OLFM3: variants seen among roughly 807,000 people sequenced by gnomAD.
OLFM3 encodes noelin-3.
A neutral mutation model predicts 48.6 loss-of-function variants in OLFM3; 20 were observed. That is an observed-to-expected ratio of 0.41 (90% CI 0.29 to 0.60). The LOEUF is 0.60. Ranked by LOEUF, OLFM3 falls within the 20% of genes least tolerant of loss-of-function variation. The probability of loss-of-function intolerance (pLI) is 0.28; values close to 1 mark genes in which losing one functional copy is unlikely to be tolerated. For missense variants in OLFM3, 437 were observed against 544.3 expected (o/e 0.80, Z 1.96); for synonymous variants, 222 against 198.1 (o/e 1.12, Z -1.01).
chr1:101,911,122 A>G (rs1296655679), intron 1 of OLFM3, among the ~76,000 whole-genome samples: 1 of 152,194 alleles, frequency 6.6e-6, no homozygotes, highest in Non-Finnish European at 1.5e-5. Flanking sequence ...AAATCTAGTC[A>G]TTGAATTACT....
Position 101,830,199 on chromosome 1 carries a change from AT to A in OLFM3, c.372+472del, listed in dbSNP as rs372273584. On this transcript the variant is annotated intron_variant, in intron 3 of 5. Coordinates refer to ENST00000370103, the MANE Select transcript of OLFM3 (RefSeq NM_058170.4). ...AGTTAACAAAAGTTGACATAGCATG[AT>A]TTTTTTCTCCATTTTCAGTATTTGT... is the stretch of plus-strand genomic sequence containing the variant. 9.5e-4 allele frequency among the ~76,000 whole-genome samples: 145 copies of A among 152,158 alleles called. 4 individuals are homozygous for A. In the East Asian group the frequency reaches 0.027, roughly 28 times the overall value.
intron 1 of OLFM3, among the ~76,000 whole-genome samples, chr1:101,973,914 C>G (rs1321284283): frequency 6.6e-6 from 1 of 152,084 alleles, no homozygotes; most frequent in African/African-American, 2.4e-5. Flanking sequence ...AACTTGCTTT[C>G]TTTCACTGTT....
chr1:101,910,082 C>T, intron 1 of OLFM3: 1 of 983,670 alleles, frequency 1.0e-6, no homozygotes, highest in South Asian at 4.7e-5. Flanking sequence ...TCTGCTTCTT[C>T]ATATCCCTTG....
chr1:101,886,222 G>T (rs1459542901), intron 1 of OLFM3, among the ~76,000 whole-genome samples: 1 of 151,918 alleles, frequency 6.6e-6, no homozygotes, highest in Middle Eastern at 3.2e-3. Context: ...GATTTGAAAT[G>T]TGTAAGAAAA....
At chr1:101,856,785 A>G (rs1257747041) in intron 1 of OLFM3, among the ~76,000 whole-genome samples, 1 of 152,024 alleles carries the variant, frequency 6.6e-6, no homozygotes, top group Admixed American at 6.6e-5. Context: ...TAAGATTAAT[A>G]TGATACAGCC....
chr1:101,822,532 T>C (rs1654659417), intron 4 of OLFM3, among the ~76,000 whole-genome samples: 1 of 152,070 alleles, frequency 6.6e-6, no homozygotes, highest in South Asian at 2.1e-4. Context: ...ATGGACCTCC[T>C]CCTCAAAAGC....
At chr1:101,978,960 A>G (rs1661030898) in intron 1 of OLFM3, among the ~76,000 whole-genome samples, 1 of 152,244 alleles carries the variant, frequency 6.6e-6, no homozygotes, top group Admixed American at 6.5e-5. Context: ...ATGCTAGAGC[A>G]GAAATAAATT....
At chr1:101,862,633 G>A (rs1656701320) in intron 1 of OLFM3, among the ~76,000 whole-genome samples, 1 of 152,172 alleles carries the variant, frequency 6.6e-6, no homozygotes, top group African/African-American at 2.4e-5. Context: ...GAGTCTAGGT[G>A]CAGCACAATC....
At chr1:101,817,070 T>G (rs1570512695) in intron 4 of OLFM3, among the ~76,000 whole-genome samples, 1 of 152,280 alleles carries the variant, frequency 6.6e-6, no homozygotes, top group East Asian at 1.9e-4. Context: ...GCATAGATAC[T>G]GTAAAATGTG....
chr1:101,826,830 T>A (rs1570527567), intron 3 of OLFM3, among the ~76,000 whole-genome samples: 1 of 152,274 alleles, frequency 6.6e-6, no homozygotes, highest in East Asian at 1.9e-4. Context: ...TTTCTGTGGT[T>A]ATCATTTTCT....
At chr1:101,947,727 C>G (rs921615325) in intron 1 of OLFM3, among the ~76,000 whole-genome samples, 1 of 152,142 alleles carries the variant, frequency 6.6e-6, no homozygotes, top group Non-Finnish European at 1.5e-5. Context: ...AGATAATGTT[C>G]CACAATGGTT....
chr1:101,877,888 T>C (rs566172562), intron 1 of OLFM3, among the ~76,000 whole-genome samples: 2 of 152,030 alleles, frequency 1.3e-5, no homozygotes, highest in East Asian at 3.9e-4. Context: ...GCCTTAGTAC[T>C]GTTCAGATTC....
At chr1:101,875,196 G>T (rs116227935) in intron 1 of OLFM3, among the ~76,000 whole-genome samples, 43 of 152,070 alleles carry the variant, frequency 2.8e-4, no homozygotes, top group Admixed American at 1.6e-3. Flanking sequence ...TGAGATGGCA[G>T]TGAGCAATCT....
chr1:101,901,028 T>C (rs1382541219), intron 1 of OLFM3, among the ~76,000 whole-genome samples: 2 of 152,018 alleles, frequency 1.3e-5, no homozygotes, highest in Non-Finnish European at 2.9e-5. Flanking sequence ...TAGTAATAAG[T>C]CAATTTCAAT....
chr1:101,902,776 T>C lies in OLFM3; in HGVS notation c.70-65751A>G, dbSNP rs117381129. On this transcript the variant is annotated intron_variant, in intron 1 of 5. Transcript: ENST00000370103. ...GTACGTATACTATCTCATTTAATCT[T>C]TCCAACAGCTCCATGGAGTATGTAC... Among the ~76,000 whole-genome samples, 307 of 152,240 alleles carry C rather than the reference T, an allele frequency of 2.0e-3. 10 individuals are homozygous for C. In the East Asian group the frequency reaches 0.049, roughly 24 times the overall value.
At chr1:101,855,481 C>G (rs996370028) in intron 1 of OLFM3, among the ~76,000 whole-genome samples, 3 of 151,996 alleles carry the variant, frequency 2.0e-5, no homozygotes, top group African/African-American at 7.2e-5. Flanking sequence ...AAAAAATAGC[C>G]AATATTGATT....
chr1:101,972,239 G>A (rs773811371), intron 1 of OLFM3, among the ~76,000 whole-genome samples: 5 of 152,140 alleles, frequency 3.3e-5, no homozygotes, highest in African/African-American at 1.2e-4. Flanking sequence ...GAATAGTCTT[G>A]TGATATTTCC....
intron 1 of OLFM3, among the ~76,000 whole-genome samples, chr1:101,987,152 C>T (rs1308803557): frequency 1.3e-5 from 2 of 152,184 alleles, no homozygotes; most frequent in Non-Finnish European, 2.9e-5. Context: ...GCTTTGGCAT[C>T]AATGAGGGTT....
At chr1:101,886,581 G>A (rs1657771017) in intron 1 of OLFM3, among the ~76,000 whole-genome samples, 1 of 152,094 alleles carries the variant, frequency 6.6e-6, no homozygotes, top group African/African-American at 2.4e-5. Flanking sequence ...CCTGGCTACT[G>A]CAGCCATTCC....
Sources: allele counts gnomAD v4.1 joint callset (sites outside exome capture counted in the v4.1 genomes callset), GRCh38; gene constraint gnomAD v4.1.1; transcripts MANE v1.5; gene names NCBI Gene and HGNC (gene_info 2026-07-23, HGNC 2026-07-21).